Variants in XKR4 observed in about 807,000 individuals in gnomAD.
XKR4 encodes XK-related protein 4.
XKR4 carries 12 observed loss-of-function variants against 53.9 expected under a neutral mutation model. The ratio of observed to expected loss-of-function variants is 0.22; its 90% CI spans 0.14 to 0.36. XKR4 has a LOEUF of 0.36. Among genes scored for constraint, XKR4 ranks in the 10% least tolerant of loss-of-function variants. The probability of loss-of-function intolerance (pLI) is 1.00; values close to 1 mark genes in which losing one functional copy is unlikely to be tolerated. For missense variants in XKR4, 799 were observed against 859.5 expected (o/e 0.93, Z 0.88); for synonymous variants, 354 against 362.4 (o/e 0.98, Z 0.26).
intron 1 of XKR4, among the ~76,000 whole-genome samples, chr8:55,292,774 C>T (rs1489567659): frequency 6.6e-6 from 1 of 152,072 alleles, no homozygotes; most frequent in Non-Finnish European, 1.5e-5. Flanking sequence ...TTTAGTTCTA[C>T]TAATTTTCCT....
At chr8:55,170,006 CTTAG>C (rs1166409460) in intron 1 of XKR4, among the ~76,000 whole-genome samples, 1 of 152,122 alleles carries the variant, frequency 6.6e-6, no homozygotes, top group African/African-American at 2.4e-5. Flanking sequence ...ATTAAAATAA[CTTAG>C]TTATTTCATA....
At chr8:55,430,773 C>T (rs1409982494) in intron 2 of XKR4, among the ~76,000 whole-genome samples, 5 of 152,166 alleles carry the variant, frequency 3.3e-5, no homozygotes, top group Non-Finnish European at 7.4e-5. Flanking sequence ...GGCCTCTCTC[C>T]TTGGCTTGTA....
intron 1 of XKR4, among the ~76,000 whole-genome samples, chr8:55,353,201 T>C (rs1412054291): frequency 6.6e-6 from 1 of 152,182 alleles, no homozygotes; most frequent in Middle Eastern, 3.2e-3. Context: ...TTACAGATAC[T>C]GAAGTCCTAA....
At chr8:55,489,098 T>C (rs963834557) in intron 2 of XKR4, among the ~76,000 whole-genome samples, 1 of 152,186 alleles carries the variant, frequency 6.6e-6, no homozygotes, top group Non-Finnish European at 1.5e-5. Context: ...TCCAAACCCA[T>C]AGGATTTACA....
intron 2 of XKR4, among the ~76,000 whole-genome samples, chr8:55,472,628 G>A (rs958474932): frequency 1.3e-5 from 2 of 152,094 alleles, no homozygotes; most frequent in African/African-American, 4.8e-5. Flanking sequence ...CAACTCCAGA[G>A]AGGAGCACTT....
intron 1 of XKR4, among the ~76,000 whole-genome samples, chr8:55,297,275 T>TG (rs1819116017): frequency 6.6e-6 from 1 of 152,210 alleles, no homozygotes; most frequent in Non-Finnish European, 1.5e-5. Flanking sequence ...TGAGTAATAC[T>TG]GGATTAAAAT....
At chr8:55,378,190 A>C (rs1804177685) in intron 2 of XKR4, among the ~76,000 whole-genome samples, 2 of 152,228 alleles carry the variant, frequency 1.3e-5, no homozygotes, top group South Asian at 4.1e-4. Context: ...ATGAATTTAG[A>C]GAAACAAAGA....
intron 2 of XKR4, among the ~76,000 whole-genome samples, chr8:55,419,632 A>G (rs544393059): frequency 1.3e-5 from 2 of 152,322 alleles, no homozygotes; most frequent in East Asian, 1.9e-4. Context: ...CAATAACATG[A>G]TCTCCTGAGA....
intron 1 of XKR4, among the ~76,000 whole-genome samples, chr8:55,247,133 G>A (rs554490256): frequency 6.6e-6 from 1 of 152,166 alleles, no homozygotes; most frequent in Non-Finnish European, 1.5e-5. Flanking sequence ...CCAAAGAGGA[G>A]AAATTAGGTT....
rs988298776 is a variant in XKR4 at position 55,530,451 on chromosome 8, G to A, written c.*6224G>A. 6.6e-6 allele frequency: 1 copy of A among 152,198 alleles called. No homozygotes were observed. Among genetic ancestry groups the A allele is most frequent in the South Asian group, 2.1e-4 (1 of 4,826 alleles). The allele number at this position is 152,198 out of a possible 1,614,324, so 9.4% of individuals were successfully genotyped here. ...TGAATTGAATTATAAAATAATTGATGTGTTCTTTCCCTTCTCACTTTAGAT... is the reference window on the plus strand; with the variant it reads ...TGAATTGAATTATAAAATAATTGATATGTTCTTTCCCTTCTCACTTTAGAT... On this transcript the variant is annotated 3_prime_UTR_variant, in exon 3 of 3. Transcript: ENST00000327381.
intron 1 of XKR4, among the ~76,000 whole-genome samples, chr8:55,165,078 C>T (rs1358121785): frequency 6.6e-6 from 1 of 152,156 alleles, no homozygotes; most frequent in African/African-American, 2.4e-5. Context: ...ATGGGCAGGT[C>T]CCATAGAACA....
chr8:55,137,208 A>T (rs927669849), intron 1 of XKR4, among the ~76,000 whole-genome samples: 3 of 152,118 alleles, frequency 2.0e-5, no homozygotes, highest in African/African-American at 7.2e-5. Flanking sequence ...GTCAAAAGAA[A>T]GTTGGAGGTG....
intron 1 of XKR4, among the ~76,000 whole-genome samples, chr8:55,223,487 G>A (rs1194922038): frequency 6.6e-6 from 1 of 152,202 alleles, no homozygotes; most frequent in Non-Finnish European, 1.5e-5. Context: ...CTTTAAGAAA[G>A]TGATATAAAA....
At chr8:55,265,506 G>T (rs1157040092) in intron 1 of XKR4, among the ~76,000 whole-genome samples, 2 of 152,198 alleles carry the variant, frequency 1.3e-5, no homozygotes, top group African/African-American at 4.8e-5. Flanking sequence ...GTTTCTCAGA[G>T]ACAGAAGTAG....
At position 55,531,185 on chromosome 8, in the gene XKR4, T is replaced by C. The variant is rs1460682041; in HGVS notation, c.*6958T>C. 6.6e-6 allele frequency: 1 copy of C among 152,174 alleles called. No individual in the cohort carries two copies. The highest frequency in any genetic ancestry group is 2.4e-5 in the African/African-American group (1 of 41,430). 9.4% of individuals were successfully genotyped at this position (152,174 alleles called of 1,614,324 possible). A position where few individuals can be genotyped will look rare whatever the true frequency, so the allele number is the denominator to read the frequency against. On this transcript the variant is annotated 3_prime_UTR_variant, in exon 3 of 3. Coordinates refer to ENST00000327381, the MANE Select transcript of XKR4 (RefSeq NM_052898.2). ...GTCAGGCAATTTTGTCATTGTGTGA[T>C]GGAGTGTGCTTACACAAGCTTAGAT...
chr8:55,230,455 T>C (rs948366896), intron 1 of XKR4, among the ~76,000 whole-genome samples: 1 of 151,386 alleles, frequency 6.6e-6, no homozygotes, highest in Non-Finnish European at 1.5e-5. Flanking sequence ...CTCTGCCTCC[T>C]GGGCACAAGC....
chr8:55,416,806 T>G (rs922430886), intron 2 of XKR4, among the ~76,000 whole-genome samples: 32 of 152,204 alleles, frequency 2.1e-4, no homozygotes, highest in African/African-American at 7.5e-4. Flanking sequence ...TCTATGAATT[T>G]AAGCCGTATG....
At chr8:55,400,378 C>A (rs1804581326) in intron 2 of XKR4, among the ~76,000 whole-genome samples, 1 of 152,166 alleles carries the variant, frequency 6.6e-6, no homozygotes, top group Admixed American at 6.5e-5. Flanking sequence ...CATACCCATA[C>A]CTCCCAGGTT....
intron 1 of XKR4, among the ~76,000 whole-genome samples, chr8:55,159,112 A>G (rs1207203294): frequency 6.6e-6 from 1 of 152,178 alleles, no homozygotes; most frequent in Non-Finnish European, 1.5e-5. Flanking sequence ...GTTCATGAGT[A>G]TGGCATGTTT....
Sources: allele counts gnomAD v4.1 joint callset (sites outside exome capture counted in the v4.1 genomes callset), GRCh38; gene constraint gnomAD v4.1.1; transcripts MANE v1.5; gene names NCBI Gene and HGNC (gene_info 2026-07-23, HGNC 2026-07-21).